Variants in GRM5 observed in about 807,000 individuals in gnomAD.
GRM5 encodes the protein glutamate metabotropic receptor 5.
A neutral mutation model predicts 83.1 loss-of-function variants in GRM5; 19 were observed. The ratio of observed to expected loss-of-function variants is 0.23; its 90% CI spans 0.16 to 0.34. The LOEUF (loss-of-function observed/expected upper bound fraction) is 0.34, where lower values mean the gene tolerates loss of function less well. GRM5 is among the 10% of genes least tolerant of loss of function. GRM5 has a pLI of 1.00. For missense variants in GRM5, 1,160 were observed against 1,588.3 expected (o/e 0.73, Z 4.58); for synonymous variants, 675 against 633.6 (o/e 1.07, Z -0.98).
intron 8 of GRM5, among the ~76,000 whole-genome samples, chr11:88,566,010 G>A (rs995446892): frequency 2.6e-5 from 4 of 152,220 alleles, no homozygotes; most frequent in Non-Finnish European, 5.9e-5. Context: ...CTAAGTGATA[G>A]TATAGGAGAA....
At chr11:88,838,318 T>C (rs1461784806) in intron 3 of GRM5, among the ~76,000 whole-genome samples, 1 of 152,032 alleles carries the variant, frequency 6.6e-6, no homozygotes, top group African/African-American at 2.4e-5. Flanking sequence ...TACTATCCCT[T>C]CTGGGGATAG....
At chr11:88,864,585 G>A (rs2135554441) in intron 2 of GRM5, among the ~76,000 whole-genome samples, 1 of 152,062 alleles carries the variant, frequency 6.6e-6, no homozygotes, top group African/African-American at 2.4e-5. Context: ...AGATGATAGG[G>A]TTTACTAAAA....
chr11:88,865,438 A>C (rs1467417425), intron 2 of GRM5, among the ~76,000 whole-genome samples: 1 of 152,206 alleles, frequency 6.6e-6, no homozygotes, highest in Non-Finnish European at 1.5e-5. Context: ...TAAAAGTAAT[A>C]CCTAAAACCA....
At chr11:88,571,881 C>G (rs1268005942) in intron 7 of GRM5, among the ~76,000 whole-genome samples, 1 of 152,002 alleles carries the variant, frequency 6.6e-6, no homozygotes, top group African/African-American at 2.4e-5. Context: ...AGAAACCAGT[C>G]AGAAGACTAT....
chr11:88,800,056 C>G (rs1943359157), intron 3 of GRM5, among the ~76,000 whole-genome samples: 1 of 151,918 alleles, frequency 6.6e-6, no homozygotes, highest in African/African-American at 2.4e-5. Flanking sequence ...GAAACAGCCC[C>G]ACAGGGAGTT....
chr11:88,833,622 T>C (rs1359177558), intron 3 of GRM5, among the ~76,000 whole-genome samples: 2 of 152,224 alleles, frequency 1.3e-5, no homozygotes, highest in East Asian at 3.8e-4. Flanking sequence ...ACTAGGTATG[T>C]ATCTGAAGAA....
chr11:88,752,431 C>G (rs1348957114), intron 3 of GRM5, among the ~76,000 whole-genome samples: 1 of 152,132 alleles, frequency 6.6e-6, no homozygotes, highest in Non-Finnish European at 1.5e-5. Context: ...AACTACAAAA[C>G]ACTGCTCAAA....
intron 2 of GRM5, among the ~76,000 whole-genome samples, chr11:89,032,646 G>A (rs893884242): frequency 3.3e-5 from 5 of 152,028 alleles, no homozygotes; most frequent in African/African-American, 1.2e-4. Context: ...ACTGTCCTAT[G>A]AGCCAACAAT....
At chr11:88,540,913 A>T (rs1942250807) in intron 8 of GRM5, among the ~76,000 whole-genome samples, 1 of 147,366 alleles carries the variant, frequency 6.8e-6, no homozygotes, top group Admixed American at 6.8e-5. Context: ...CGCCTGGTTA[A>T]TTTTTTTTTT....
chr11:88,590,115 CA>C (rs780851466), intron 7 of GRM5, among the ~76,000 whole-genome samples: 4 of 152,086 alleles, frequency 2.6e-5, no homozygotes. Context: ...CCTGTGCCAA[CA>C]ATACTTAAAA....
chr11:88,708,262 G>A, intron 3 of GRM5, among the ~76,000 whole-genome samples: 1 of 152,050 alleles, frequency 6.6e-6, no homozygotes, highest in East Asian at 1.9e-4. Flanking sequence ...ATTTTTGTAA[G>A]TAAATGTGTC....
At chr11:89,064,604 A>C (rs1487457434) in intron 1 of GRM5, among the ~76,000 whole-genome samples, 2 of 152,058 alleles carry the variant, frequency 1.3e-5, no homozygotes, top group Admixed American at 6.5e-5. Flanking sequence ...ACACTACTGC[A>C]TGGGACCTTC....
intron 3 of GRM5, among the ~76,000 whole-genome samples, chr11:88,713,257 C>A (rs1941321763): frequency 6.6e-6 from 1 of 151,950 alleles, no homozygotes; most frequent in Admixed American, 6.6e-5. Flanking sequence ...TTTGCTGTTT[C>A]CTAGGGATGT....
chr11:88,743,484 G>A (rs1942070327), intron 3 of GRM5, among the ~76,000 whole-genome samples: 3 of 152,036 alleles, frequency 2.0e-5, no homozygotes, highest in Admixed American at 6.6e-5. Flanking sequence ...CCTCACTGCT[G>A]GATTAAGTTC....
At chr11:89,053,142 T>C (rs1941795356) in intron 1 of GRM5, among the ~76,000 whole-genome samples, 1 of 152,102 alleles carries the variant, frequency 6.6e-6, no homozygotes, top group Admixed American at 6.5e-5. Context: ...CCTTTCAAAC[T>C]ATACATTAAC....
intron 6 of GRM5, among the ~76,000 whole-genome samples, chr11:88,594,084 C>T (rs1330103716): frequency 1.3e-5 from 2 of 152,078 alleles, no homozygotes; most frequent in Admixed American, 6.5e-5. Context: ...TGAGCCACCC[C>T]GCCCGGCCCT....
intron 1 of GRM5, among the ~76,000 whole-genome samples, chr11:89,060,836 T>C (rs1227140895): frequency 1.3e-5 from 2 of 152,160 alleles, no homozygotes; most frequent in East Asian, 1.9e-4. Flanking sequence ...AAACTAAAAA[T>C]TGAAGTTTCT....
At chr11:88,563,593 T>C (rs1487983892) in intron 8 of GRM5, among the ~76,000 whole-genome samples, 1 of 152,122 alleles carries the variant, frequency 6.6e-6, no homozygotes, top group African/African-American at 2.4e-5. Context: ...GGGTCGAGCA[T>C]GGTAGATGCT....
chr11:88,666,023 T>C (rs1014019238), intron 3 of GRM5, among the ~76,000 whole-genome samples: 1 of 152,180 alleles, frequency 6.6e-6, no homozygotes, highest in Non-Finnish European at 1.5e-5. Context: ...TATCAGTGAA[T>C]ATCTGGGAGG....
Sources: allele counts gnomAD v4.1 joint callset (sites outside exome capture counted in the v4.1 genomes callset), GRCh38; gene constraint gnomAD v4.1.1; transcripts MANE v1.5; gene names NCBI Gene and HGNC (gene_info 2026-07-23, HGNC 2026-07-21).